Variants in SEL1L3 observed in about 807,000 individuals in gnomAD.
SEL1L3 encodes protein sel-1 homolog 3.
In SEL1L3, 76 loss-of-function variants were observed where a neutral mutation model predicts 142.8. The observed-to-expected ratio is 0.53, with a 90% CI of 0.44 to 0.64. The LOEUF is 0.64. Ranked by LOEUF, SEL1L3 falls within the 30% of genes least tolerant of loss-of-function variation. SEL1L3 has a pLI of 0.00. For synonymous variants in SEL1L3, 504 were observed against 519.6 expected (o/e 0.97, Z 0.41); for missense variants, 1,262 against 1,381.7 (o/e 0.91, Z 1.37).
Position 25,790,610 on chromosome 4 carries a change from AGAAGGAAGGAAGGAAGGAAGGAAG to A in SEL1L3, c.1957-60_1957-37del, listed in dbSNP as rs745799260. 1.3e-4 allele frequency: 101 copies of A among 798,638 alleles called. 1 individual carries two copies. The African/African-American group carries it at 2.5e-3, about 20-fold the overall frequency. 49.5% of individuals were successfully genotyped at this position (798,638 alleles called of 1,614,324 possible). A position where few individuals can be genotyped will look rare whatever the true frequency, so the allele number is the denominator to read the frequency against. On this transcript the variant is annotated intron_variant, in intron 11 of 23. Transcript: ENST00000399878. ...AGGAGGGAAAGAAGGAAGGAGGGAA[AGAAGGAAGGAAGGAAGGAAGGAAG>A]GAAGGAAGGAAGGAAGGAAGGAAGG...
Position 25,805,708 on chromosome 4 carries a change from C to T in SEL1L3, c.1565-956G>A, listed in dbSNP as rs137868336. ...TCTTCTAAAGTCTATCTTTGTTATT[C>T]ATATCTCTTGTTAATTCAGCCAACG... On this transcript the variant is annotated intron_variant, in intron 9 of 23. Coordinates refer to ENST00000399878, the MANE Select transcript of SEL1L3 (RefSeq NM_015187.5). Among the ~76,000 whole-genome samples, 178 of 152,272 alleles carry T rather than the reference C, an allele frequency of 1.2e-3. 1 individual carries two copies. The highest frequency in any genetic ancestry group is 3.9e-3 in the African/African-American group (164 of 41,560).
intron 20 of SEL1L3, 39 bp from the exon 21 acceptor site, chr4:25,759,107 A>C: frequency 6.2e-7 from 1 of 1,602,450 alleles, no homozygotes; most frequent in Non-Finnish European, 8.5e-7. Context: ...CAAATCCTTG[A>C]AATAAAACCT....
intron 16 of SEL1L3, chr4:25,776,666 T>C: frequency 4.3e-6 from 1 of 234,708 alleles, no homozygotes; most frequent in Non-Finnish European, 8.5e-6. Context: ...AGTACTCTAT[T>C]AAGTCATGTT....
At position 25,803,296 on chromosome 4, in the gene SEL1L3, CT is replaced by C. The variant is rs138336752; in HGVS notation, c.1777-835del. 7.1e-3 allele frequency among the ~76,000 whole-genome samples: 1,088 copies of C among 152,352 alleles called. 36 individuals carry two copies. The East Asian group carries it at 0.084, about 12-fold the overall frequency. On this transcript the variant is annotated intron_variant, in intron 10 of 23. Coordinates refer to ENST00000399878, the MANE Select transcript of SEL1L3 (RefSeq NM_015187.5). ...ACTAGGCTGTTTTCATTATTCCACC[CT>C]TGTGGGGACTGCTTCCGGGACTCAG... is the stretch of plus-strand genomic sequence containing the variant.
chr4:25,842,782 G>A (rs547782697), intron 2 of SEL1L3, among the ~76,000 whole-genome samples: 2 of 151,892 alleles, frequency 1.3e-5, no homozygotes, highest in Admixed American at 1.3e-4. Flanking sequence ...AAGCAAACAA[G>A]TCCCCTGGCC....
Position 25,779,152 on chromosome 4 carries a change from C to T in SEL1L3, c.2509G>A (p.Gly837Arg), listed in dbSNP as rs763713765. The T allele has an allele frequency of 6.2e-7, 1 of 1,613,474 alleles. No homozygotes were observed. Among genetic ancestry groups the T allele is most frequent in the South Asian group, 1.1e-5 (1 of 91,072 alleles). ...TAGTAGAGAGAACACCACAAGGTCC[C>T]TTCCATGTGTCCACCTTGCGCAGCC... The part of the protein sequence containing the change: ...HKAAQGGHME[G>R]TLWCSLYYIT... Residue 837 changes from glycine to arginine, a missense_variant, in exon 16 of 24, where the codon GGG becomes AGG. Physicochemically the swap from Gly to Arg is moderately radical, Grantham distance 125. This residue lies in a region of SEL1L3 where 435 missense variants were observed against 559.2 expected (regional missense o/e 0.78). Transcript: ENST00000399878.
At chr4:25,751,303 T>G (rs759309297) in intron 23 of SEL1L3, among the ~76,000 whole-genome samples, 28 of 152,200 alleles carry the variant, frequency 1.8e-4, no homozygotes, top group African/African-American at 2.7e-4. Context: ...GTCCTTGGGT[T>G]GTACCCACAG....
the SEL1L3 span, among the ~76,000 whole-genome samples, chr4:25,714,770 C>T: frequency 6.6e-6 from 1 of 151,948 alleles, no homozygotes; most frequent in Non-Finnish European, 1.5e-5. Context: ...TGGGGTTTCT[C>T]CATTTTGCCC....
At chr4:25,740,810 G>A in the SEL1L3 span, among the ~76,000 whole-genome samples, 108 of 152,210 alleles carry the variant, frequency 7.1e-4, no homozygotes, top group African/African-American at 2.4e-3. Context: ...CCTGAGATAA[G>A]AGTCTTGCTC....
chr4:25,847,931 G>A, intron 1 of SEL1L3, 67 bp from the exon 2 acceptor site: 1 of 922,840 alleles, frequency 1.1e-6, no homozygotes, highest in Non-Finnish European at 1.6e-6. Context: ...ACAGATACTT[G>A]AATCATTATT....
chr4:25,728,338 T>C, the SEL1L3 span, among the ~76,000 whole-genome samples: 1 of 152,122 alleles, frequency 6.6e-6, no homozygotes, highest in African/African-American at 2.4e-5. Flanking sequence ...TCCAGGCCTG[T>C]AGAGAGGCTG....
chr4:25,808,125 T>C (rs573806822), intron 9 of SEL1L3, among the ~76,000 whole-genome samples: 1 of 152,356 alleles, frequency 6.6e-6, no homozygotes, highest in African/African-American at 2.4e-5. Flanking sequence ...GTCAGTTTAA[T>C]GAAACTGTTA....
At chr4:25,725,915 G>A in the SEL1L3 span, among the ~76,000 whole-genome samples, 3 of 152,214 alleles carry the variant, frequency 2.0e-5, no homozygotes, top group African/African-American at 2.4e-5. Flanking sequence ...TAGATTTGGC[G>A]GGTTCTGACT....
chr4:25,765,354 G>C lies in SEL1L3; in HGVS notation c.2927C>G (p.Ala976Gly). ...QDLELSVQMY[A>G]QAALDGDSQG... ...GGAGTCTCCATCCAGGGCGGCTTGG[G>C]CGTACATCTGCACAGACAACTCCAG... Residue 976 changes from alanine (A) to glycine (G), a missense_variant, in exon 20 of 24, where the codon GCC becomes GGC. This residue lies in a region of SEL1L3 where 435 missense variants were observed against 559.2 expected (regional missense o/e 0.78). Transcript: ENST00000399878. 6.2e-7 allele frequency: 1 copy of C among 1,613,674 alleles called. No homozygotes were observed. The highest frequency in any genetic ancestry group is 1.6e-4 in the Middle Eastern group (1 of 6,062).
chr4:25,817,678 C>G (rs936242), intron 9 of SEL1L3, among the ~76,000 whole-genome samples: 74,013 of 152,058 alleles, frequency 0.49, 20,023 homozygotes, highest in African/African-American at 0.72. Context: ...TGCCTGGTCT[C>G]AGCCTCACCT....
intron 6 of SEL1L3, among the ~76,000 whole-genome samples, chr4:25,824,930 T>C (rs1268851055): frequency 1.3e-5 from 2 of 152,234 alleles, no homozygotes; most frequent in East Asian, 3.8e-4. Context: ...CTCTGATTAT[T>C]TTCACAAGTA....
At chr4:25,796,053 T>C (rs985695776) in intron 11 of SEL1L3, among the ~76,000 whole-genome samples, 2 of 152,164 alleles carry the variant, frequency 1.3e-5, no homozygotes, top group African/African-American at 4.8e-5. Context: ...ATTGTTGTTA[T>C]TGTTGCCGTT....
chr4:25,825,670 T>C (rs915710868), intron 6 of SEL1L3, among the ~76,000 whole-genome samples: 52 of 123,496 alleles, frequency 4.2e-4, no homozygotes, highest in Non-Finnish European at 7.3e-4. Context: ...AATTCTATTT[T>C]TTTTTTTTTT....
At chr4:25,805,680 G>C (rs1447588885) in intron 9 of SEL1L3, among the ~76,000 whole-genome samples, 1 of 145,446 alleles carries the variant, frequency 6.9e-6, no homozygotes, top group Non-Finnish European at 1.5e-5. Context: ...TGTACTGTTA[G>C]AGTCTTCTAA....
Sources: gnomAD v4.1 joint callset for allele counts (sites outside exome capture counted in the v4.1 genomes callset) on GRCh38, gnomAD v4.1.1 for gene constraint, gnomAD v4.1.1 regional missense constraint, MANE v1.5 for transcripts, NCBI Gene and HGNC (gene_info 2026-07-23, HGNC 2026-07-21) for gene names.